Variants in EIF2AK3 observed in about 807,000 individuals in gnomAD.
EIF2AK3 encodes the protein eukaryotic translation initiation factor 2 alpha kinase 3.
In EIF2AK3, 50 loss-of-function variants were observed where a neutral mutation model predicts 113.5. The observed-to-expected ratio is 0.44, with a 90% confidence interval of 0.35 to 0.56. The LOEUF (loss-of-function observed/expected upper bound fraction) is 0.56. Among genes scored for constraint, EIF2AK3 ranks in the 20% least tolerant of loss-of-function variants. EIF2AK3 has a pLI of 0.00. For missense variants in EIF2AK3, 1,185 were observed against 1,378.0 expected, an observed-to-expected ratio of 0.86 and a Z score of 2.22; for synonymous variants, 448 against 495.4, an observed-to-expected ratio of 0.90 and a Z score of 1.27.
chr2:88,623,275 A>C (rs929425092), intron 1 of EIF2AK3, among the ~76,000 whole-genome samples: 7 of 152,218 alleles, frequency 4.6e-5, no homozygotes, highest in African/African-American at 7.2e-5. Flanking sequence ...TTCTGCAATG[A>C]CCATCCCACT....
At chr2:88,622,363 A>C (rs1328584334) in intron 1 of EIF2AK3, among the ~76,000 whole-genome samples, 4 of 152,264 alleles carry the variant, frequency 2.6e-5, no homozygotes, top group Admixed American at 6.5e-5. Context: ...CTTACAAAAA[A>C]GGAGAAAAGC....
intron 2 of EIF2AK3, among the ~76,000 whole-genome samples, chr2:88,613,469 T>C (rs1357693970): frequency 6.6e-6 from 1 of 152,202 alleles, no homozygotes; most frequent in Non-Finnish European, 1.5e-5. Flanking sequence ...ATATGGCAGA[T>C]AGTATCCTCA....
intron 2 of EIF2AK3, among the ~76,000 whole-genome samples, chr2:88,609,906 C>T (rs1675385523): frequency 7.3e-5 from 9 of 123,020 alleles, no homozygotes; most frequent in South Asian, 5.0e-4. Flanking sequence ...CCCAGCAGTT[C>T]GAGATCAGCC....
chr2:88,597,266 TTCCAGTTCAAA>T (rs370691707), intron 2 of EIF2AK3, among the ~76,000 whole-genome samples: 164 of 152,326 alleles, frequency 1.1e-3, no homozygotes, highest in African/African-American at 3.8e-3. Flanking sequence ...CCTTATTATT[TTCCAGTTCAAA>T]TCCAGTTCAA....
chr2:88,626,788 G>A (rs1192940335), intron 1 of EIF2AK3, among the ~76,000 whole-genome samples, 179 bp downstream of exon 1: 1 of 152,258 alleles, frequency 6.6e-6, no homozygotes, highest in Non-Finnish European at 1.5e-5. Flanking sequence ...GCCCAGGCAG[G>A]TCGCTGGCCG....
chr2:88,627,487 C>T (rs1343391224), upstream of EIF2AK3: 5 of 534,442 alleles, frequency 9.4e-6, no homozygotes, highest in Non-Finnish European at 8.8e-6. Context: ...GCCCATTGAG[C>T]AAACTTTCCG....
intron 2 of EIF2AK3, among the ~76,000 whole-genome samples, chr2:88,608,411 C>G (rs1196009243): frequency 1.3e-5 from 2 of 152,088 alleles, no homozygotes; most frequent in African/African-American, 4.8e-5. Context: ...GACATTCTAA[C>G]ACAGGAGTCC....
chr2:88,619,864 G>A (rs1489007974), intron 1 of EIF2AK3, among the ~76,000 whole-genome samples: 1 of 150,758 alleles, frequency 6.6e-6, no homozygotes, highest in Non-Finnish European at 1.5e-5. Context: ...GCTGAGACAG[G>A]AGAATCACTT....
Position 88,595,469 on chromosome 2 carries a change from C to T in EIF2AK3, c.633G>A (p.Lys211=), listed in dbSNP as rs908303693. ...TTYGLSAYSG[K]VRYICSALGC... Reference sequence around the variant, plus strand: ...AAGTAAATTCAGCATTTTCACTTACCTTTCCACTATATGCACTGAGTCCAT... The same window carrying T: ...AAGTAAATTCAGCATTTTCACTTACTTTTCCACTATATGCACTGAGTCCAT... Residue 211 remains lysine (K), a splice_region_variant and synonymous_variant, in exon 3 of 17, where the codon AAG becomes AAA. Coordinates refer to ENST00000303236, the MANE Select transcript of EIF2AK3 (RefSeq NM_004836.7). 3 of 1,613,876 alleles carry T rather than the reference C, an allele frequency of 1.9e-6. No homozygotes were observed. Among genetic ancestry groups the T allele is most frequent in the Middle Eastern group, 1.7e-4 (1 of 6,054 alleles).
chr2:88,565,197 C>A (rs974236606), intron 14 of EIF2AK3, among the ~76,000 whole-genome samples: 1 of 151,468 alleles, frequency 6.6e-6, no homozygotes, highest in South Asian at 2.1e-4. Context: ...CCATCATGCC[C>A]GGTAATTTTT....
Position 88,627,323 on chromosome 2 carries a change from G to C in EIF2AK3, c.-49C>G. ...CATGGAGGCGCAGCCACTGACGCCT[G>C]CCTCTCCCGCCGCTTGGAGCTCCCA... On this transcript the variant is annotated 5_prime_UTR_variant, in exon 1 of 17. Coordinates refer to ENST00000303236, the MANE Select transcript of EIF2AK3 (RefSeq NM_004836.7). 7.0e-7 allele frequency: 1 copy of C among 1,438,186 alleles called. No individual in the cohort carries two copies. Among genetic ancestry groups the C allele is most frequent in the Non-Finnish European group, 9.1e-7 (1 of 1,096,786 alleles). 89.1% of individuals were successfully genotyped at this position (1,438,186 alleles called of 1,614,324 possible).
chr2:88,580,833 G>A (rs919722750), intron 10 of EIF2AK3, among the ~76,000 whole-genome samples: 1 of 151,964 alleles, frequency 6.6e-6, no homozygotes, highest in African/African-American at 2.4e-5. Context: ...ACGTTCCATG[G>A]GCCAATTCCT....
chr2:88,617,569 C>A (rs1404828201), intron 1 of EIF2AK3, among the ~76,000 whole-genome samples: 1 of 151,740 alleles, frequency 6.6e-6, no homozygotes, highest in Non-Finnish European at 1.5e-5. Context: ...TCCTGGCCAA[C>A]GTGGTGAAAC....
intron 2 of EIF2AK3, among the ~76,000 whole-genome samples, chr2:88,608,294 T>G (rs2104462004): frequency 6.6e-6 from 1 of 152,240 alleles, no homozygotes; most frequent in Middle Eastern, 3.4e-3. Context: ...CTCAAACTCC[T>G]GGGCTCAACT....
intron 15 of EIF2AK3, among the ~76,000 whole-genome samples, chr2:88,560,566 T>C (rs888703908): frequency 2.0e-5 from 3 of 152,182 alleles, no homozygotes; most frequent in Admixed American, 1.3e-4. Flanking sequence ...AGGCATGTGC[T>C]ACCACGTCCA....
At chr2:88,586,595 CTTTTT>C (rs533167763) in intron 8 of EIF2AK3, among the ~76,000 whole-genome samples, 1 of 119,926 alleles carries the variant, frequency 8.3e-6, no homozygotes, top group African/African-American at 3.1e-5. Flanking sequence ...TTTATCTTGC[CTTTTT>C]TTTTTTTTTT....
intron 1 of EIF2AK3, among the ~76,000 whole-genome samples, chr2:88,618,582 G>A (rs1486008128): frequency 6.6e-6 from 1 of 152,224 alleles, no homozygotes; most frequent in Non-Finnish European, 1.5e-5. Context: ...GGGAGACTGG[G>A]AGAATGTAGC....
intron 9 of EIF2AK3, among the ~76,000 whole-genome samples, chr2:88,585,139 T>C (rs564232552): frequency 6.6e-6 from 1 of 152,194 alleles, no homozygotes; most frequent in East Asian, 1.9e-4. Flanking sequence ...ATGATGGTAT[T>C]TGTGCTGTGG....
At chr2:88,570,804 G>A in intron 14 of EIF2AK3, 70 bp downstream of exon 14, 1 of 1,587,338 alleles carries the variant, frequency 6.3e-7, no homozygotes. Context: ...GTATTTTAAT[G>A]AAAACATGAG....
Sources: allele counts gnomAD v4.1 joint callset (sites outside exome capture counted in the v4.1 genomes callset), GRCh38; gene constraint gnomAD v4.1.1; transcripts MANE v1.5; gene names NCBI Gene and HGNC (gene_info 2026-07-23, HGNC 2026-07-21).